Variants in TTYH2 observed in about 807,000 individuals in gnomAD.
The protein encoded by TTYH2 is tweety family member 2, also known as protein tweety homolog 2.
In TTYH2, 49 loss-of-function variants were observed where a neutral mutation model predicts 68.3. That is an observed-to-expected ratio of 0.72 (90% CI 0.57 to 0.91). The LOEUF is 0.91. Ranked by LOEUF, TTYH2 falls within the 40% of genes least tolerant of loss-of-function variation. The probability of loss-of-function intolerance (pLI) is 0.00; values close to 1 mark genes in which losing one functional copy is unlikely to be tolerated. For synonymous variants in TTYH2, 272 were observed against 300.8 expected (o/e 0.90, Z 0.99); for missense variants, 631 against 700.4 (o/e 0.90, Z 1.12).
At chr17:74,221,646 T>C (rs1458083293) in intron 1 of TTYH2, among the ~76,000 whole-genome samples, 1 of 152,088 alleles carries the variant, frequency 6.6e-6, no homozygotes, top group African/African-American at 2.4e-5. Flanking sequence ...AATCAAGAGA[T>C]GAATGAGCAG....
intron 2 of TTYH2, among the ~76,000 whole-genome samples, chr17:74,225,887 C>G (rs541293675): frequency 6.6e-6 from 1 of 152,164 alleles, no homozygotes; most frequent in East Asian, 1.9e-4. Flanking sequence ...CGCATAGATG[C>G]GGGCAAGAGT....
chr17:74,231,985 G>C (rs2050394101), intron 3 of TTYH2, among the ~76,000 whole-genome samples: 1 of 152,170 alleles, frequency 6.6e-6, no homozygotes, highest in African/African-American at 2.4e-5. Flanking sequence ...TGAGGACTTG[G>C]TTCCCTGAAA....
At chr17:74,245,309 G>A (rs77515873) in intron 6 of TTYH2, among the ~76,000 whole-genome samples, 2,015 of 152,374 alleles carry the variant, frequency 0.013, 42 homozygotes, top group African/African-American at 0.044. Context: ...TGGGACGGCT[G>A]TAAACAGTGC....
intron 2 of TTYH2, among the ~76,000 whole-genome samples, chr17:74,224,711 G>A (rs1450508893): frequency 1.3e-5 from 2 of 152,088 alleles, no homozygotes. Context: ...TGCAACTAAA[G>A]AGAGAGGGCT....
chr17:74,255,619 T>C (rs372749336), intron 13 of TTYH2, among the ~76,000 whole-genome samples: 229 of 152,128 alleles, frequency 1.5e-3, no homozygotes, highest in African/African-American at 5.3e-3. Context: ...ACCTGGCTAA[T>C]TTTTGTATTT....
intron 3 of TTYH2, among the ~76,000 whole-genome samples, chr17:74,236,875 G>A (rs996127214): frequency 6.7e-6 from 1 of 150,108 alleles, no homozygotes; most frequent in African/African-American, 2.5e-5. Context: ...GTTCATTCAT[G>A]CCTAAGCAGG....
rs956160612 is a variant in TTYH2, at chr17:74,241,144, T to C, written c.636-2230T>C. On this transcript the variant is annotated intron_variant, in intron 4 of 13. Coordinates refer to ENST00000269346, the MANE Select transcript of TTYH2 (RefSeq NM_032646.6). The surrounding 1 kb of genome is among the most constrained non-coding windows in gnomAD (Gnocchi z 4.1). ...TTCTAATCTGTACTAATCTGTAGAA[T>C]GGGATCCAGCTCACACCTATGATCC... 4.6e-5 allele frequency among the ~76,000 whole-genome samples: 7 copies of C among 152,172 alleles called. No individual in the cohort carries two copies. The East Asian group carries it at 1.4e-3, about 29-fold the overall frequency.
intron 13 of TTYH2, 130 bp downstream of exon 13, chr17:74,253,963 A>G: frequency 8.3e-6 from 8 of 968,982 alleles, no homozygotes; most frequent in Middle Eastern, 2.1e-4. Context: ...GCACTAAACC[A>G]GACCGTCGTG....
Position 74,217,843 on chromosome 17 carries a change from A to G in TTYH2, c.129+4127A>G, listed in dbSNP as rs1050634738. ...CTCCGCTCTGGGTTTTTCATGACAC[A>G]GTGACAAATCAGAAATAATTGAAGT... On this transcript the variant is annotated intron_variant, in intron 1 of 13. Transcript: ENST00000269346. The surrounding 1 kb of genome is among the most constrained non-coding windows in gnomAD (Gnocchi z 4.0). Among the ~76,000 whole-genome samples, 12 of 152,168 alleles carry G rather than the reference A, an allele frequency of 7.9e-5. No individual in the cohort carries two copies. Among genetic ancestry groups the G allele is most frequent in the Admixed American group, 6.5e-5 (1 of 15,278 alleles).
intron 3 of TTYH2, among the ~76,000 whole-genome samples, chr17:74,231,797 G>C (rs766360211): frequency 3.3e-5 from 5 of 152,154 alleles, no homozygotes; most frequent in Non-Finnish European, 5.9e-5. Context: ...CACAGTGAAG[G>C]ATGCTCTGGC....
At chr17:74,247,757 T>C (rs1324382792) in intron 6 of TTYH2, among the ~76,000 whole-genome samples, 2 of 152,110 alleles carry the variant, frequency 1.3e-5, no homozygotes, top group African/African-American at 4.8e-5. Flanking sequence ...GCAGCTCTGA[T>C]AGGTAATAAT....
chr17:74,231,055 T>C, intron 3 of TTYH2, 56 bp downstream of exon 3: 3 of 1,536,088 alleles, frequency 2.0e-6, no homozygotes, highest in Non-Finnish European at 1.8e-6. Flanking sequence ...GTCAGCGTGG[T>C]CAGAGCAAGG....
At position 74,222,589 on chromosome 17, in the gene TTYH2, G is replaced by T. The variant is rs146849596; in HGVS notation, c.234G>T (p.Ala78=). 1 of 1,612,226 alleles carries T rather than the reference G, an allele frequency of 6.2e-7. No homozygotes were observed. Among genetic ancestry groups the T allele is most frequent in the Non-Finnish European group, 8.5e-7 (1 of 1,180,020 alleles). ...CATGCCACTGCCGGCGGGACGATGC[G>T]GTGCAGACCAAGCAGCACCACTCCT... is the stretch of plus-strand genomic sequence containing the variant. ...VCACHCRRDD[A]VQTKQHHSCC... Residue 78 remains alanine, a synonymous_variant, in exon 2 of 14, where the codon GCG becomes GCT. Transcript: ENST00000269346. This position sits in a 1 kb window ranked among gnomAD's most constrained non-coding sequence, Gnocchi z 5.2.
rs775481754 is a variant in TTYH2, at chr17:74,253,189, C to T, written c.1368C>T (p.Tyr456=). The T allele has an allele frequency of 9.9e-6, 16 of 1,614,020 alleles. No homozygotes were observed. The South Asian group carries it at 1.6e-4, about 17-fold the overall frequency. The change falls in exon 12 of 14, where the codon TAC becomes TAT. Residue 456 remains tyrosine (Y), a synonymous_variant. Coordinates refer to ENST00000269346, the MANE Select transcript of TTYH2 (RefSeq NM_032646.6). ...PRGQLHSFCS[Y]SSGLGSQTSL... ...GACAGCTTCACAGCTTCTGCAGCTA[C>T]AGCAGTGGCCTGGGAAGTCAGACCA...
Position 74,253,781 on chromosome 17 carries a change from A to T in TTYH2, c.1472A>T (p.Asn491Ile). The stretch of plus-strand genomic sequence containing the variant: ...AACCAAGCCATGCTCTTTGGTAGGA[A>T]CCCACGCTACGAGAACGTGCCACTA... ...YMNQAMLFGR[N>I]PRYENVPLIG... The change falls in exon 13 of 14, where the codon AAC (asparagine) becomes ATC (isoleucine). Residue 491 changes from asparagine (N) to isoleucine (I), a missense_variant. Physicochemically the swap from Asn to Ile is moderately radical, Grantham distance 149. Coordinates refer to ENST00000269346, the MANE Select transcript of TTYH2 (RefSeq NM_032646.6). The T allele has an allele frequency of 1.2e-6, 2 of 1,614,136 alleles. No individual in the cohort carries two copies. Among genetic ancestry groups the T allele is most frequent in the African/African-American group, 1.3e-5 (1 of 75,028 alleles).
In TTYH2 at chr17:74,250,372, T is replaced by C; in HGVS notation, c.1116+15T>C. The C allele has an allele frequency of 6.2e-7, 1 of 1,607,022 alleles. No homozygotes were observed. Among genetic ancestry groups the C allele is most frequent in the Non-Finnish European group, 8.5e-7 (1 of 1,175,224 alleles). The stretch of plus-strand genomic sequence containing the variant: ...GGCTGCACAAGGTGCATGGGGACCC[T>C]GGGGTCACGTGGAGAGTGTGAGGGC... On this transcript the variant is annotated intron_variant, in intron 10 of 13. Transcript: ENST00000269346.
rs1345767668 is a variant in TTYH2, at chr17:74,239,094, C to G, written c.635+1580C>G. Among the ~76,000 whole-genome samples the G allele has an allele frequency of 2.0e-5, 3 of 152,160 alleles. No individual in the cohort carries two copies. Among genetic ancestry groups the G allele is most frequent in the African/African-American group, 7.2e-5 (3 of 41,460 alleles). On this transcript the variant is annotated intron_variant, in intron 4 of 13. Coordinates refer to ENST00000269346, the MANE Select transcript of TTYH2 (RefSeq NM_032646.6). The surrounding 1 kb of genome is among the most constrained non-coding windows in gnomAD (Gnocchi z 5.3). ...GTGTACAAACTCATGCCCGTGTCAT[C>G]TGACCTCTGGGGCTTTGTTTACATC...
chr17:74,218,288 C>A (rs1335585237), intron 1 of TTYH2, among the ~76,000 whole-genome samples: 1 of 151,992 alleles, frequency 6.6e-6, no homozygotes, highest in Non-Finnish European at 1.5e-5. Context: ...TCCCCCTACA[C>A]CCTCTCACCC....
At position 74,252,233 on chromosome 17, in the gene TTYH2, G is replaced by A; in HGVS notation, c.1117-1G>A. The A allele has an allele frequency of 6.2e-7, 1 of 1,612,418 alleles. No homozygotes were observed. Among genetic ancestry groups the A allele is most frequent in the Non-Finnish European group, 8.5e-7 (1 of 1,180,006 alleles). On this transcript the variant is annotated splice_acceptor_variant, in intron 10 of 13. Transcript: ENST00000269346. LOFTEE classifies it high-confidence loss of function. ...GCTGCATGTCCCTCCTCTTCCTCCA[G>A]GATTATCTGGACGCTCTTGCTGGCA... is the stretch of plus-strand genomic sequence containing the variant.
Sources: allele counts gnomAD v4.1 joint callset (sites outside exome capture counted in the v4.1 genomes callset), GRCh38; gene constraint gnomAD v4.1.1; non-coding constraint Gnocchi (gnomAD v3.1); transcripts MANE v1.5; gene names NCBI Gene and HGNC (gene_info 2026-07-23, HGNC 2026-07-21).